TTC29: variants seen among roughly 807,000 people sequenced by gnomAD.
TTC29 encodes tetratricopeptide repeat protein 29.
TTC29 carries 49 observed loss-of-function variants against 58.1 expected under a neutral mutation model. The observed-to-expected ratio is 0.84, with a 90% CI of 0.67 to 1.07. The LOEUF (loss-of-function observed/expected upper bound fraction) is 1.07, where lower values mean the gene tolerates loss of function less well. Ranked by LOEUF, TTC29 falls within the 50% of genes least tolerant of loss-of-function variation. The probability of loss-of-function intolerance (pLI) is 0.00; values close to 1 mark genes in which losing one functional copy is unlikely to be tolerated. For synonymous variants in TTC29, 209 were observed against 196.8 expected (o/e 1.06, Z -0.52); for missense variants, 582 against 555.6 (o/e 1.05, Z -0.48).
chr4:146,911,389 T>C (rs1272283819), intron 4 of TTC29, among the ~76,000 whole-genome samples: 1 of 152,154 alleles, frequency 6.6e-6, no homozygotes, highest in African/African-American at 2.4e-5. Flanking sequence ...AAAACTGAAA[T>C]GAGCATACTG....
chr4:146,869,054 GATGCTGGCACC>G (rs990642954), intron 7 of TTC29, among the ~76,000 whole-genome samples: 1 of 145,282 alleles, frequency 6.9e-6, no homozygotes, highest in Non-Finnish European at 1.5e-5. Flanking sequence ...ACCAGAAGGA[GATGCTGGCACC>G]ATGCTTCTTG....
chr4:146,867,621 T>C, intron 7 of TTC29, 38 bp from the exon 8 acceptor site: 1 of 966,982 alleles, frequency 1.0e-6, no homozygotes, highest in Non-Finnish European at 1.5e-6. Flanking sequence ...AAGTATTCAA[T>C]AAATGATTTA....
At chr4:146,886,960 CAGA>C (rs143677544) in intron 6 of TTC29, among the ~76,000 whole-genome samples, 1 of 152,246 alleles carries the variant, frequency 6.6e-6, no homozygotes, top group African/African-American at 2.4e-5. Flanking sequence ...AAGCCAGTCA[CAGA>C]AGGACAAATA....
chr4:146,933,076 T>C (rs966351883), intron 4 of TTC29, among the ~76,000 whole-genome samples: 1 of 150,342 alleles, frequency 6.7e-6, no homozygotes, highest in African/African-American at 2.5e-5. Context: ...AAAAAAGATA[T>C]GAAGTAAATT....
At chr4:146,810,431 A>G (rs1263452306) in intron 10 of TTC29, among the ~76,000 whole-genome samples, 1 of 152,158 alleles carries the variant, frequency 6.6e-6, no homozygotes, top group Admixed American at 6.6e-5. Context: ...TCTTATCAAT[A>G]AAAGGTGGTC....
At chr4:146,724,097 T>C (rs1366879508) in intron 11 of TTC29, among the ~76,000 whole-genome samples, 2 of 152,180 alleles carry the variant, frequency 1.3e-5, no homozygotes, top group Admixed American at 1.3e-4. Context: ...CTGGAGGCCA[T>C]TATCCTAAGT....
chr4:146,924,349 T>C (rs1014039232), intron 4 of TTC29, among the ~76,000 whole-genome samples: 3 of 151,874 alleles, frequency 2.0e-5, no homozygotes, highest in African/African-American at 4.8e-5. Flanking sequence ...CTTCCCCTAA[T>C]GTTAGGTAGA....
chr4:146,901,358 T>C (rs1733136327), intron 6 of TTC29, among the ~76,000 whole-genome samples: 1 of 152,222 alleles, frequency 6.6e-6, no homozygotes, highest in Non-Finnish European at 1.5e-5. Context: ...GTATGATATA[T>C]GCACCATATA....
At chr4:146,846,786 C>T (rs112028761) in intron 8 of TTC29, among the ~76,000 whole-genome samples, 2,688 of 152,278 alleles carry the variant, frequency 0.018, 57 homozygotes, top group Non-Finnish European at 0.024. Context: ...ATTCATCATA[C>T]CTCTTACTGG....
At chr4:146,847,529 A>G (rs1294718060) in intron 8 of TTC29, among the ~76,000 whole-genome samples, 6 of 152,190 alleles carry the variant, frequency 3.9e-5, no homozygotes, top group Admixed American at 1.3e-4. Context: ...AGTGCTGAGC[A>G]GTGACAGGCA....
intron 2 of TTC29, among the ~76,000 whole-genome samples, chr4:146,940,937 G>A (rs1470848436): frequency 6.6e-6 from 1 of 152,184 alleles, no homozygotes; most frequent in South Asian, 2.1e-4. Context: ...ATAGGAGAGT[G>A]TCAAAGTTTC....
At chr4:146,732,968 C>T (rs150996510) in intron 11 of TTC29, among the ~76,000 whole-genome samples, 5 of 152,190 alleles carry the variant, frequency 3.3e-5, no homozygotes, top group Non-Finnish European at 5.9e-5. Flanking sequence ...GTAGAGGAAA[C>T]GGCATCCTTG....
chr4:146,897,160 T>C (rs981781003), intron 6 of TTC29, among the ~76,000 whole-genome samples: 7 of 152,130 alleles, frequency 4.6e-5, no homozygotes, highest in Non-Finnish European at 1.0e-4. Flanking sequence ...TTTGTCCTCA[T>C]TCTTAAAGGA....
At chr4:146,907,497 G>A (rs1453814723) in intron 5 of TTC29, among the ~76,000 whole-genome samples, 1 of 151,926 alleles carries the variant, frequency 6.6e-6, no homozygotes, top group East Asian at 1.9e-4. Flanking sequence ...GTTTTGTTTT[G>A]TTTTGTTTGT....
intron 11 of TTC29, among the ~76,000 whole-genome samples, chr4:146,750,707 C>CA (rs573000066): frequency 6.3e-4 from 95 of 151,696 alleles, no homozygotes; most frequent in African/African-American, 2.2e-3. Context: ...GATCGCAAAA[C>CA]AAAAAACTAT....
Position 146,824,767 on chromosome 4 carries a change from C to T in TTC29, c.978-4519G>A, listed in dbSNP as rs966142026. Reference sequence around the variant, plus strand: ...TGGTTGTTAGGCTATTAATTACTGCCGCAATTTCAGAGCTTGTTATTGGTC... The same window carrying T: ...TGGTTGTTAGGCTATTAATTACTGCTGCAATTTCAGAGCTTGTTATTGGTC... On this transcript the variant is annotated intron_variant, in intron 9 of 12. Transcript: ENST00000325106. 3.9e-5 allele frequency among the ~76,000 whole-genome samples: 6 copies of T among 152,038 alleles called. No individual in the cohort carries two copies. In the South Asian group the frequency reaches 6.2e-4, roughly 16 times the overall value.
intron 11 of TTC29, among the ~76,000 whole-genome samples, chr4:146,725,690 C>G (rs1384326158): frequency 6.6e-6 from 1 of 152,148 alleles, no homozygotes. Flanking sequence ...CATCTTTCAT[C>G]AAGGTGTTTG....
chr4:146,747,545 G>GCAGT (rs2150043151), intron 11 of TTC29, among the ~76,000 whole-genome samples: 1 of 152,312 alleles, frequency 6.6e-6, no homozygotes, highest in South Asian at 2.1e-4. Flanking sequence ...CACTACTGGA[G>GCAGT]CAGTCATTCC....
At chr4:146,717,080 T>G (rs1375745236) in intron 11 of TTC29, among the ~76,000 whole-genome samples, 2 of 152,186 alleles carry the variant, frequency 1.3e-5, no homozygotes. Context: ...AGTTTGACAA[T>G]CGTTGCTTTA....
Sources: allele counts gnomAD v4.1 joint callset (sites outside exome capture counted in the v4.1 genomes callset), GRCh38; gene constraint gnomAD v4.1.1; transcripts MANE v1.5; gene names NCBI Gene and HGNC (gene_info 2026-07-23, HGNC 2026-07-21).